ROBO2: variants seen among roughly 807,000 people sequenced by gnomAD.
The protein encoded by ROBO2 is roundabout homolog 2.
In ROBO2, 53 loss-of-function variants were observed where a neutral mutation model predicts 160.8. The observed-to-expected ratio is 0.33, with a 90% confidence interval of 0.26 to 0.41. The LOEUF (loss-of-function observed/expected upper bound fraction) is 0.41. Ranked by LOEUF, ROBO2 falls within the 10% of genes least tolerant of loss-of-function variation. The pLI, the probability that ROBO2 is intolerant of heterozygous loss-of-function variation, is 1.00. For missense variants in ROBO2, 1,577 were observed against 1,722.4 expected (o/e 0.92, Z 1.49); for synonymous variants, 664 against 611.7 (o/e 1.09, Z -1.26).
At position 77,295,384 on chromosome 3, in the gene ROBO2, C is replaced by A. The variant is rs568651525; in HGVS notation, c.389-182030C>A. Among the ~76,000 whole-genome samples, 2 of 149,582 alleles carry A rather than the reference C, an allele frequency of 1.3e-5. 1 individual carries two copies. Among genetic ancestry groups the A allele is most frequent in the African/African-American group, 5.0e-5 (2 of 39,636 alleles). On this transcript the variant is annotated intron_variant, in intron 2 of 25. Transcript: ENST00000461745. ...TGATGGTTAAATGGGTAAGCTGAGG[C>A]TAGAGCACTAAAGACATAAAGTAAA...
At chr3:76,726,080 A>C (rs2093548123) in intron 2 of ROBO2, among the ~76,000 whole-genome samples, 1 of 152,182 alleles carries the variant, frequency 6.6e-6, no homozygotes, top group Non-Finnish European at 1.5e-5. Flanking sequence ...CGCATACATC[A>C]GTCTGTTTTT....
chr3:77,292,915 C>T (rs2061490744), intron 2 of ROBO2, among the ~76,000 whole-genome samples: 1 of 148,298 alleles, frequency 6.7e-6, no homozygotes, highest in Non-Finnish European at 1.5e-5. Flanking sequence ...GCTAGATCAC[C>T]AAAGACATAA....
chr3:76,229,481 C>A (rs1704491835), intron 2 of ROBO2, among the ~76,000 whole-genome samples: 1 of 151,878 alleles, frequency 6.6e-6, no homozygotes, highest in Non-Finnish European at 1.5e-5. Flanking sequence ...ACATAAATAT[C>A]AAAATATATT....
rs151122278 is a variant in ROBO2, at chr3:76,009,794, T to A, written c.109+72192T>A. Among the ~76,000 whole-genome samples, 342 of 152,346 alleles carry A rather than the reference T, an allele frequency of 2.2e-3. 1 individual carries two copies. Among genetic ancestry groups the A allele is most frequent in the Middle Eastern group, 6.8e-3 (2 of 294 alleles). Reference sequence around the variant, plus strand: ...AGTTCAATAATATTTTCCTTAAAGGTTGGCATGTAAGAAGAAAATTTATTT... The same window carrying A: ...AGTTCAATAATATTTTCCTTAAAGGATGGCATGTAAGAAGAAAATTTATTT... On this transcript the variant is annotated intron_variant, in intron 2 of 26. Coordinates refer to the ROBO2 transcript ENST00000487694.
chr3:77,051,968 G>A (rs2065270396), intron 1 of ROBO2, among the ~76,000 whole-genome samples: 2 of 152,204 alleles, frequency 1.3e-5, no homozygotes, highest in South Asian at 4.1e-4. Flanking sequence ...GAATTATTTA[G>A]CATTTACTGA....
At chr3:76,230,265 G>A (rs1288851521) in intron 2 of ROBO2, among the ~76,000 whole-genome samples, 1 of 151,818 alleles carries the variant, frequency 6.6e-6, no homozygotes, top group Non-Finnish European at 1.5e-5. Context: ...CTAGCCCATA[G>A]CTTCAAAGGC....
At chr3:76,061,631 C>T (rs184176320) in intron 2 of ROBO2, among the ~76,000 whole-genome samples, 1 of 152,204 alleles carries the variant, frequency 6.6e-6, no homozygotes, top group East Asian at 1.9e-4. Context: ...GCTGGAAGCA[C>T]CAGAAATTTC....
chr3:76,943,064 T>A (rs747211993), intron 2 of ROBO2, among the ~76,000 whole-genome samples: 1 of 152,196 alleles, frequency 6.6e-6, no homozygotes, highest in Non-Finnish European at 1.5e-5. Flanking sequence ...TCACCTAACG[T>A]CATGTGAGTA....
Position 77,468,311 on chromosome 3 carries a change from G to A in ROBO2, c.389-9103G>A, listed in dbSNP as rs562285853. ...TAACTGCAAACCAAAGCAAATGATTGCCAGAGACAGGCCTAGAGTCTGCCG... is the reference window on the plus strand; with the variant it reads ...TAACTGCAAACCAAAGCAAATGATTACCAGAGACAGGCCTAGAGTCTGCCG... On this transcript the variant is annotated intron_variant, in intron 2 of 25. Coordinates refer to ENST00000461745, the Ensembl canonical transcript of ROBO2. Among the ~76,000 whole-genome samples, 135 of 152,270 alleles carry A rather than the reference G, an allele frequency of 8.9e-4. 3 individuals are homozygous for A. The highest frequency in any genetic ancestry group is 1.5e-3 in the African/African-American group (61 of 41,562).
intron 2 of ROBO2, among the ~76,000 whole-genome samples, chr3:77,331,862 C>T (rs926684939): frequency 6.6e-6 from 1 of 152,184 alleles, no homozygotes; most frequent in Middle Eastern, 3.4e-3. Flanking sequence ...CGTGCCACCA[C>T]GCCCAGCTAA....
intron 1 of ROBO2, among the ~76,000 whole-genome samples, chr3:77,065,285 T>A (rs1160529467): frequency 6.6e-6 from 1 of 152,190 alleles, no homozygotes. Context: ...TCAGTCAGAT[T>A]CTTAATAAAC....
chr3:77,283,835 G>A (rs554031136), intron 2 of ROBO2, among the ~76,000 whole-genome samples: 2 of 152,176 alleles, frequency 1.3e-5, no homozygotes, highest in African/African-American at 2.4e-5. Context: ...TTGATTGATA[G>A]GTCCTACTCG....
At position 77,646,098 on chromosome 3, in the gene ROBO2, G is replaced by A. The variant is rs770304222; in HGVS notation, c.*43G>A. On this transcript the variant is annotated 3_prime_UTR_variant, in exon 26 of 26. Transcript: ENST00000461745. The stretch of plus-strand genomic sequence containing the variant: ...ACAAAGCTGCTCTGAAGGACCATCA[G>A]GTCCGGACTCATGGAAGTGATGACT... 5.9e-6 allele frequency: 9 copies of A among 1,537,432 alleles called. No individual in the cohort carries two copies. In the South Asian group the frequency reaches 1.0e-4, roughly 18 times the overall value.
intron 2 of ROBO2, among the ~76,000 whole-genome samples, chr3:76,270,787 A>C (rs1161271993): frequency 6.6e-6 from 1 of 152,258 alleles, no homozygotes; most frequent in South Asian, 2.1e-4. Flanking sequence ...AATGTGAAAT[A>C]GTTTAGAGAA....
chr3:76,394,323 T>C (rs1250394781), intron 2 of ROBO2, among the ~76,000 whole-genome samples: 3 of 152,078 alleles, frequency 2.0e-5, no homozygotes, highest in Non-Finnish European at 2.9e-5. Context: ...GCAGGCCTGG[T>C]GGTGACAAAA....
chr3:76,381,855 A>T (rs1293497676), intron 2 of ROBO2, among the ~76,000 whole-genome samples: 1 of 152,176 alleles, frequency 6.6e-6, no homozygotes, highest in East Asian at 1.9e-4. Context: ...GCCAGGTTGG[A>T]TTCTCAGCCC....
In ROBO2 at chr3:76,885,631, T is replaced by C. The variant is rs116818687; in HGVS notation, c.110-212383T>C. Reference sequence around the variant, plus strand: ...CCCATCACAAAAGTAGATCTCAAATTAGAAGATGAATGCAAACCACCCTTG... The same window carrying C: ...CCCATCACAAAAGTAGATCTCAAATCAGAAGATGAATGCAAACCACCCTTG... On this transcript the variant is annotated intron_variant, in intron 2 of 26. Transcript: ENST00000487694. 1.4e-3 allele frequency among the ~76,000 whole-genome samples: 216 copies of C among 152,148 alleles called. 1 individual carries two copies. Among genetic ancestry groups the C allele is most frequent in the African/African-American group, 4.6e-3 (189 of 41,512 alleles).
At chr3:76,759,634 C>T (rs569079938) in intron 2 of ROBO2, among the ~76,000 whole-genome samples, 1 of 151,672 alleles carries the variant, frequency 6.6e-6, no homozygotes, top group East Asian at 2.0e-4. Context: ...ATAAAAAGTA[C>T]ATGGAATTTC....
In ROBO2 at chr3:76,571,735, G is replaced by C. The variant is rs190768039; in HGVS notation, c.110-526279G>C. On this transcript the variant is annotated intron_variant, in intron 2 of 26. Coordinates refer to the ROBO2 transcript ENST00000487694. ...ACATTATTAGTTTGTAGAAATAGAA[G>C]GTAATTTCTAGCTGATTTCTCCATT... Among the ~76,000 whole-genome samples the C allele has an allele frequency of 2.6e-5, 4 of 152,086 alleles. No homozygotes were observed. The East Asian group carries it at 7.7e-4, about 29-fold the overall frequency.
Sources: gnomAD v4.1 joint callset for allele counts (sites outside exome capture counted in the v4.1 genomes callset) on GRCh38, gnomAD v4.1.1 for gene constraint, MANE v1.5 for transcripts, NCBI Gene and HGNC (gene_info 2026-07-23, HGNC 2026-07-21) for gene names.